PUM1: variants seen among roughly 807,000 people sequenced by gnomAD.
The protein encoded by PUM1 is pumilio homolog 1.
A neutral mutation model predicts 131.8 loss-of-function variants in PUM1; 13 were observed. That is an observed-to-expected ratio of 0.10 (90% CI 0.06 to 0.16). The LOEUF is 0.16. Among genes scored for constraint, PUM1 ranks in the 10% least tolerant of loss-of-function variants. PUM1 has a pLI of 1.00. For missense variants in PUM1, 961 were observed against 1,512.4 expected (o/e 0.64, Z 6.05); for synonymous variants, 509 against 556.5 (o/e 0.91, Z 1.20).
chr1:31,023,328 C>T (rs1643102775), intron 3 of PUM1, among the ~76,000 whole-genome samples: 1 of 152,162 alleles, frequency 6.6e-6, no homozygotes, highest in South Asian at 2.1e-4. Flanking sequence ...CTTTCCAAAA[C>T]TCAGTCCATT....
At chr1:30,982,971 A>C (rs1641409917) in intron 7 of PUM1, among the ~76,000 whole-genome samples, 1 of 152,176 alleles carries the variant, frequency 6.6e-6, no homozygotes, top group Non-Finnish European at 1.5e-5. Flanking sequence ...TTAAAGAAAA[A>C]CTTCACTGCG....
intron 5 of PUM1, among the ~76,000 whole-genome samples, chr1:31,001,140 C>A (rs942218706): frequency 1.4e-4 from 21 of 151,984 alleles, no homozygotes; most frequent in African/African-American, 5.1e-4. Context: ...GCCGAGATTG[C>A]GCCACTGCGC....
intron 5 of PUM1, among the ~76,000 whole-genome samples, chr1:31,004,657 T>C (rs931401512): frequency 2.0e-5 from 3 of 152,154 alleles, no homozygotes; most frequent in Admixed American, 1.3e-4. Flanking sequence ...AGGTCAGCTT[T>C]AGAATAGCTA....
chr1:31,010,430 A>G (rs1030180532), intron 3 of PUM1, among the ~76,000 whole-genome samples: 1 of 152,160 alleles, frequency 6.6e-6, no homozygotes, highest in Admixed American at 6.5e-5. Flanking sequence ...TGTGATTTCC[A>G]TCTTGCTTGT....
chr1:30,960,668 T>C (rs141464071), intron 14 of PUM1, among the ~76,000 whole-genome samples: 6 of 152,040 alleles, frequency 3.9e-5, no homozygotes, highest in Admixed American at 1.3e-4. Context: ...ATATATCCAG[T>C]TAGGAATAAA....
intron 2 of PUM1, among the ~76,000 whole-genome samples, chr1:31,044,116 A>C (rs1356792643): frequency 6.6e-6 from 1 of 152,196 alleles, no homozygotes; most frequent in African/African-American, 2.4e-5. Context: ...AAAAATAAAA[A>C]GAAGGCCGGG....
chr1:31,057,551 CCT>C (rs1385832617), intron 2 of PUM1, among the ~76,000 whole-genome samples: 4 of 151,154 alleles, frequency 2.6e-5, no homozygotes, highest in African/African-American at 9.7e-5. Context: ...ATGGTGAAAC[CCT>C]CTCTCTGCTA....
At chr1:31,059,844 C>T (rs1207674301) in intron 1 of PUM1, among the ~76,000 whole-genome samples, 1 of 150,940 alleles carries the variant, frequency 6.6e-6, no homozygotes, top group Non-Finnish European at 1.5e-5. Flanking sequence ...TTTAAATGAA[C>T]AAAAGCTTTT....
At chr1:30,944,152 C>A (rs977451536) in intron 18 of PUM1, among the ~76,000 whole-genome samples, 3 of 152,136 alleles carry the variant, frequency 2.0e-5, no homozygotes, top group Non-Finnish European at 4.4e-5. Context: ...CCAATAACCA[C>A]GTGGGTTGCT....
In PUM1 at chr1:30,933,181, G is replaced by C; in HGVS notation, c.*30C>G. 1 of 1,594,910 alleles carries C rather than the reference G, an allele frequency of 6.3e-7. No homozygotes were observed. Among genetic ancestry groups the C allele is most frequent in the South Asian group, 1.1e-5 (1 of 88,524 alleles). ...TTGCCAGTGGGCCAGTGAGGTCAGC[G>C]GGAATGAGGGAACAGCGGGTGACAC... On this transcript the variant is annotated 3_prime_UTR_variant, in exon 22 of 22. Coordinates refer to ENST00000426105, the MANE Select transcript of PUM1 (RefSeq NM_001020658.2).
chr1:30,965,930 T>C (rs913232297), intron 13 of PUM1, 52 bp downstream of exon 13: 32 of 1,531,562 alleles, frequency 2.1e-5, no homozygotes, highest in African/African-American at 2.8e-5. Flanking sequence ...TCCAGAAGGA[T>C]TGTAAAAATA....
intron 2 of PUM1, 115 bp downstream of exon 2, chr1:31,059,089 G>C: frequency 8.2e-7 from 1 of 1,216,338 alleles, no homozygotes; most frequent in Non-Finnish European, 1.1e-6. Context: ...GTAACTGTTT[G>C]TACCAAATGA....
In PUM1 at chr1:30,958,995, C is replaced by T. The variant is rs142674144; in HGVS notation, c.2324-5014G>A. On this transcript the variant is annotated intron_variant, in intron 14 of 21. Transcript: ENST00000426105. ...AGAGATTTCACTTATTAAAATAGTA[C>T]ATTTTATGCTAACAAATTTGGCATT... Among the ~76,000 whole-genome samples the T allele has an allele frequency of 3.0e-4, 45 of 152,136 alleles. No individual in the cohort carries two copies. In the East Asian group the frequency reaches 7.1e-3, roughly 24 times the overall value.
At chr1:31,038,957 T>TA (rs1367287384) in intron 2 of PUM1, among the ~76,000 whole-genome samples, 5,068 of 56,856 alleles carry the variant, frequency 0.089, 819 homozygotes, top group Admixed American at 0.1. Flanking sequence ...GTTTTAAAAT[T>TA]TTATATATAT....
chr1:31,003,599 A>C (rs1642294226), intron 5 of PUM1, among the ~76,000 whole-genome samples: 1 of 152,178 alleles, frequency 6.6e-6, no homozygotes, highest in South Asian at 2.1e-4. Context: ...TCTACTAAAA[A>C]TACAAAAATT....
chr1:30,966,818 CA>C (rs972133015), intron 12 of PUM1, among the ~76,000 whole-genome samples: 2 of 152,062 alleles, frequency 1.3e-5, no homozygotes, highest in Non-Finnish European at 2.9e-5. Flanking sequence ...GCCCCTGTGG[CA>C]AAAAACAACC....
At chr1:30,959,940 C>CA (rs1348425371) in intron 14 of PUM1, among the ~76,000 whole-genome samples, 3 of 150,578 alleles carry the variant, frequency 2.0e-5, no homozygotes, top group African/African-American at 7.3e-5. Context: ...AAACACTTGA[C>CA]AAAAACTAAA....
chr1:31,038,789 C>T (rs1236750364), intron 2 of PUM1, among the ~76,000 whole-genome samples: 1 of 151,406 alleles, frequency 6.6e-6, no homozygotes, highest in Admixed American at 6.6e-5. Context: ...AATTCCACTT[C>T]TAGGAATTTA....
At chr1:31,007,158 G>T (rs1642423604) in intron 3 of PUM1, 56 bp from the exon 4 acceptor site, 2 of 1,315,210 alleles carry the variant, frequency 1.5e-6, no homozygotes, top group African/African-American at 1.5e-5. Context: ...TGAAAGTACA[G>T]CAGTCAACAC....
Sources: gnomAD v4.1 joint callset for allele counts (sites outside exome capture counted in the v4.1 genomes callset) on GRCh38, gnomAD v4.1.1 for gene constraint, MANE v1.5 for transcripts, NCBI Gene and HGNC (gene_info 2026-07-23, HGNC 2026-07-21) for gene names.